The following PSMB10 variants were observed in gnomAD, a reference collection of about 807,000 sequenced individuals.
PSMB10 encodes proteasome 20S subunit beta 10.
PSMB10 carries 29 observed loss-of-function variants against 29.8 expected under a neutral mutation model. The ratio of observed to expected loss-of-function variants is 0.97; its 90% confidence interval spans 0.73 to 1.33. The LOEUF is 1.33. Among genes scored for constraint, PSMB10 ranks in the 40% most tolerant of loss-of-function variants. PSMB10 has a pLI of 0.00. For missense variants in PSMB10, 327 were observed against 369.2 expected (o/e 0.89, Z 0.94); for synonymous variants, 157 against 164.7 (o/e 0.95, Z 0.36).
Position 67,934,842 on chromosome 16 carries a change from G to C in PSMB10, c.665C>G (p.Ala222Gly). 1 of 1,614,072 alleles carries C rather than the reference G, an allele frequency of 6.2e-7. No individual in the cohort carries two copies. Residue 222 changes from alanine (A) to glycine (G), a missense_variant, in exon 7 of 8, where the codon GCC becomes GGC. Coordinates refer to ENST00000358514, the MANE Select transcript of PSMB10 (RefSeq NM_002801.4). This position sits in a 1 kb window ranked among gnomAD's most constrained non-coding sequence, Gnocchi z 4.3. The part of the protein sequence containing the change: ...VDACVITKTG[A>G]KLLRTLSSPT... ...TGAGCTCAGTGTCCGCAGCAGCTTG[G>C]CGCCAGTCTTTGTGATCACACATGC... is the stretch of plus-strand genomic sequence containing the variant.
In PSMB10 at chr16:67,936,758, A is replaced by G. The variant is rs2058266196; in HGVS notation, c.-9T>C. ...AGGGCTGGCTTCAGCATCTTGGGGC[A>G]GGCAGAGGGGATTAGGGGTCGCGGG... On this transcript the variant is annotated 5_prime_UTR_variant, in exon 1 of 8. Coordinates refer to ENST00000358514, the MANE Select transcript of PSMB10 (RefSeq NM_002801.4). 1.9e-6 allele frequency: 3 copies of G among 1,555,232 alleles called. No homozygotes were observed. Among genetic ancestry groups the G allele is most frequent in the Non-Finnish European group, 2.6e-6 (3 of 1,149,122 alleles).
At position 67,936,414 on chromosome 16, in the gene PSMB10, G is replaced by A. The variant is rs1321532744; in HGVS notation, c.128C>T (p.Ala43Val). The A allele has an allele frequency of 1.2e-6, 2 of 1,613,274 alleles. No homozygotes were observed. Among genetic ancestry groups the A allele is most frequent in the South Asian group, 2.2e-5 (2 of 91,028 alleles). The change falls in exon 2 of 8, where the codon GCG becomes GTG. Residue 43 changes from alanine (A) to valine (V), a missense_variant. Physicochemically the swap from Ala to Val is moderately conservative, Grantham distance 64. Transcript: ENST00000358514. The part of the protein sequence containing the change: ...PHARKTGTTI[A>V]GLVFQDGVIL... Reference sequence around the variant, plus strand: ...GCTGCTCACTTGGAACACCAGGCCCGCGATGGTGGTCCCGGTCTTGCGTGC... The same window carrying A: ...GCTGCTCACTTGGAACACCAGGCCCACGATGGTGGTCCCGGTCTTGCGTGC...
chr16:67,936,234 A>G lies in PSMB10; in HGVS notation c.223T>C (p.Phe75Leu), dbSNP rs1423471863. Residue 75 changes from phenylalanine to leucine, a missense_variant, in exon 3 of 8, where the codon TTC becomes CTC. Coordinates refer to ENST00000358514, the MANE Select transcript of PSMB10 (RefSeq NM_002801.4). ...VADKSCEKIH[F>L]IAPKIYCCGA... ...TCTCACTAGATTTTGGGGGCGATGA[A>G]GTGGATCTTCTCGCAGCTCTTGTCC... 1.2e-6 allele frequency: 2 copies of G among 1,613,874 alleles called. No homozygotes were observed. The highest frequency in any genetic ancestry group is 2.7e-5 in the African/African-American group (2 of 74,890).
intron 6 of PSMB10, 105 bp from the exon 7 acceptor site, chr16:67,935,053 A>C: frequency 2.1e-6 from 3 of 1,430,730 alleles, no homozygotes; most frequent in African/African-American, 2.8e-5. Context: ...CTTGCCCTCC[A>C]AACCCCCACT....
rs760633537 is a variant in PSMB10 at position 67,935,347 on chromosome 16, G to T, written c.558+73C>A. ...GCCTTAGCCACCCGCACTGGGCCAG[G>T]GTCCTGTGCTCCCCCAGCTCCCGGG... is the stretch of plus-strand genomic sequence containing the variant. On this transcript the variant is annotated intron_variant, in intron 6 of 7. Transcript: ENST00000358514. 7.5e-6 allele frequency: 12 copies of T among 1,590,132 alleles called. No individual in the cohort carries two copies. The African/African-American group carries it at 1.3e-4, about 18-fold the overall frequency.
In PSMB10 at chr16:67,934,892, G is replaced by A; in HGVS notation, c.615C>T (p.Asp205=). ...CGTCCACATTGCCCCCGGAGCCCAG[G>A]TCACCCAAGATCCCGGCGGTGACGG... ...VEAVTAGILG[D]LGSGGNVDAC... Residue 205 remains aspartate, a synonymous_variant, in exon 7 of 8, where the codon GAC becomes GAT. Coordinates refer to ENST00000358514, the MANE Select transcript of PSMB10 (RefSeq NM_002801.4). The surrounding 1 kb of genome is among the most constrained non-coding windows in gnomAD (Gnocchi z 4.3). 6.2e-7 allele frequency: 1 copy of A among 1,613,820 alleles called. No homozygotes were observed. Among genetic ancestry groups the A allele is most frequent in the Non-Finnish European group, 8.5e-7 (1 of 1,180,016 alleles).
rs556400617 is a variant in PSMB10, at chr16:67,935,302, G to GA, written c.558+117_558+118insT. 2.6e-3 allele frequency: 3,303 copies of GA among 1,269,704 alleles called. 4 individuals are homozygous for GA. The highest frequency in any genetic ancestry group is 3.4e-3 in the Non-Finnish European group (3,022 of 900,062). 78.7% of individuals were successfully genotyped at this position (1,269,704 alleles called of 1,614,324 possible). A position where few individuals can be genotyped will look rare whatever the true frequency, so the allele number is the denominator to read the frequency against. On this transcript the variant is annotated intron_variant, in intron 6 of 7. Coordinates refer to ENST00000358514, the MANE Select transcript of PSMB10 (RefSeq NM_002801.4). ...CTGCCCTTACTCCACTCACCCTTCA[G>GA]TGGTCACCTCCTCCGACAAGCCTTA... is the stretch of plus-strand genomic sequence containing the variant.
At position 67,936,237 on chromosome 16, in the gene PSMB10, G is replaced by A; in HGVS notation, c.220C>T (p.His74Tyr). The change falls in exon 3 of 8, where the codon CAC becomes TAC. Residue 74 changes from histidine (H) to tyrosine (Y), a missense_variant. By Grantham distance (83) the His-to-Tyr change is moderately conservative. Coordinates refer to ENST00000358514, the MANE Select transcript of PSMB10 (RefSeq NM_002801.4). ...CACTAGATTTTGGGGGCGATGAAGT[G>A]GATCTTCTCGCAGCTCTTGTCCGCC... ...VVADKSCEKI[H>Y]FIAPKIYCCG... is the part of the protein sequence containing the mutation. 2 of 1,614,050 alleles carry A rather than the reference G, an allele frequency of 1.2e-6. No individual in the cohort carries two copies. The highest frequency in any genetic ancestry group is 8.5e-7 in the Non-Finnish European group (1 of 1,179,970).
At chr16:67,935,038 C>G in intron 6 of PSMB10, 90 bp from the exon 7 acceptor site, 1 of 1,505,306 alleles carries the variant, frequency 6.6e-7, no homozygotes, top group Non-Finnish European at 8.9e-7. Context: ...CTTACCCAAT[C>G]TGGTCTTGCC....
chr16:67,934,755 TAGCC>T lies in PSMB10; in HGVS notation c.710+38_710+41del. 1 of 1,610,720 alleles carries T rather than the reference TAGCC, an allele frequency of 6.2e-7. No individual in the cohort carries two copies. Among genetic ancestry groups the T allele is most frequent in the Non-Finnish European group, 8.5e-7 (1 of 1,177,140 alleles). On this transcript the variant is annotated intron_variant, in intron 7 of 7. Coordinates refer to ENST00000358514, the MANE Select transcript of PSMB10 (RefSeq NM_002801.4). This position sits in a 1 kb window ranked among gnomAD's most constrained non-coding sequence, Gnocchi z 4.3. ...TTGCAGCCCCCTATCTCCCCTGCTA[TAGCC>T]CCACACATCCCTGTGGTCCCCGATC...
chr16:67,934,749 C>G lies in PSMB10; in HGVS notation c.710+48G>C. On this transcript the variant is annotated intron_variant, in intron 7 of 7. Coordinates refer to ENST00000358514, the MANE Select transcript of PSMB10 (RefSeq NM_002801.4). This position sits in a 1 kb window ranked among gnomAD's most constrained non-coding sequence, Gnocchi z 4.3. ...CCCTTTTTGCAGCCCCCTATCTCCC[C>G]TGCTATAGCCCCACACATCCCTGTG... The G allele has an allele frequency of 1.2e-6, 2 of 1,610,072 alleles. No individual in the cohort carries two copies. Among genetic ancestry groups the G allele is most frequent in the Non-Finnish European group, 1.7e-6 (2 of 1,176,558 alleles).
chr16:67,935,825 T>G (rs1321663496), intron 4 of PSMB10, 128 bp from the exon 5 acceptor site: 1 of 1,478,606 alleles, frequency 6.8e-7, no homozygotes, highest in African/African-American at 1.4e-5. Context: ...CGCCTTTTCC[T>G]GTAGCCCAGG....
intron 6 of PSMB10, 161 bp downstream of exon 6, chr16:67,935,259 T>C (rs2058258432): frequency 2.3e-6 from 2 of 862,854 alleles, no homozygotes; most frequent in Non-Finnish European, 3.6e-6. Flanking sequence ...GACGGTGTTA[T>C]GTCGGGACCG....
At chr16:67,935,818 C>A in intron 4 of PSMB10, 121 bp from the exon 5 acceptor site, 1 of 1,479,262 alleles carries the variant, frequency 6.8e-7, no homozygotes, top group South Asian at 1.2e-5. Context: ...CTGACATCGC[C>A]TTTTCCTGTA....
rs956842315 is a variant in PSMB10, at chr16:67,936,462, A to G, written c.80T>C (p.Leu27Pro). The G allele has an allele frequency of 2.5e-6, 4 of 1,613,364 alleles. No homozygotes were observed. Among genetic ancestry groups the G allele is most frequent in the Non-Finnish European group, 2.5e-6 (3 of 1,179,836 alleles). Residue 27 changes from leucine to proline, a missense_variant, in exon 2 of 8, where the codon CTC (leucine) becomes CCC (proline). Coordinates refer to ENST00000358514, the MANE Select transcript of PSMB10 (RefSeq NM_002801.4). ...TGCGTGAGGGACCTTGAGCCCCGGGAGGACGCGTTCCAATGATGCATTTCT... is the reference window on the plus strand; with the variant it reads ...TGCGTGAGGGACCTTGAGCCCCGGGGGGACGCGTTCCAATGATGCATTTCT... ...CQRNASLERV[L>P]PGLKVPHARK... is the part of the protein sequence containing the mutation.
In PSMB10 at chr16:67,935,463, G is replaced by A; in HGVS notation, c.515C>T (p.Ala172Val). 6.2e-7 allele frequency: 1 copy of A among 1,614,152 alleles called. No homozygotes were observed. Among genetic ancestry groups the A allele is most frequent in the Non-Finnish European group, 8.5e-7 (1 of 1,180,044 alleles). ...CCGGTCTTCTAGCACCGCCAGGGCC[G>A]CGTCCTGACCAGAGCCTGAAGGCAG... ...PFTALGSGQD[A>V]ALAVLEDRFQ... The change falls in exon 6 of 8, where the codon GCG (alanine) becomes GTG (valine). Residue 172 changes from alanine to valine, a missense_variant. By Grantham distance (64) the Ala-to-Val change is moderately conservative. Coordinates refer to ENST00000358514, the MANE Select transcript of PSMB10 (RefSeq NM_002801.4).
chr16:67,936,617 C>A (rs1027500446), intron 1 of PSMB10, 77 bp downstream of exon 1: 5 of 1,465,972 alleles, frequency 3.4e-6, no homozygotes, highest in African/African-American at 1.4e-5. Flanking sequence ...CACCCTCCCC[C>A]ACCCCCAGCC....
Position 67,934,685 on chromosome 16 carries a change from G to T in PSMB10, c.711-14C>A. ...TAGCGGCCAGACCTGGGAGGGAGGA[G>T]GGACAGCCTCTGAACATGGGCCTGT... On this transcript the variant is annotated splice_polypyrimidine_tract_variant and intron_variant, in intron 7 of 7. Coordinates refer to ENST00000358514, the MANE Select transcript of PSMB10 (RefSeq NM_002801.4). The surrounding 1 kb of genome is among the most constrained non-coding windows in gnomAD (Gnocchi z 4.3). 6.2e-7 allele frequency: 1 copy of T among 1,613,716 alleles called. No individual in the cohort carries two copies. Among genetic ancestry groups the T allele is most frequent in the Non-Finnish European group, 8.5e-7 (1 of 1,179,674 alleles).
intron 3 of PSMB10, 27 bp from the exon 4 acceptor site, chr16:67,936,130 G>A: frequency 6.2e-7 from 1 of 1,608,484 alleles, no homozygotes; most frequent in Non-Finnish European, 8.5e-7. Flanking sequence ...GATCGGTGTG[G>A]GCAGGGCTGG....
Sources: allele counts gnomAD v4.1 joint callset, GRCh38; gene constraint gnomAD v4.1.1; non-coding constraint Gnocchi (gnomAD v3.1); transcripts MANE v1.5; gene names NCBI Gene and HGNC (gene_info 2026-07-23, HGNC 2026-07-21).